Variants in CDH18 observed in about 807,000 individuals in gnomAD.
CDH18 encodes cadherin 18.
CDH18 carries 31 observed loss-of-function variants against 67.9 expected under a neutral mutation model. The ratio of observed to expected loss-of-function variants is 0.46; its 90% confidence interval spans 0.34 to 0.62. The LOEUF (loss-of-function observed/expected upper bound fraction) is 0.62, where lower values mean the gene tolerates loss of function less well. Ranked by LOEUF, CDH18 falls within the 20% of genes least tolerant of loss-of-function variation. The pLI is 0.01. For synonymous variants in CDH18, 362 were observed against 347.2 expected (o/e 1.04, Z -0.48); for missense variants, 890 against 975.5 (o/e 0.91, Z 1.17).
intron 2 of CDH18, among the ~76,000 whole-genome samples, chr5:19,903,617 CTTTTTTT>C (rs59678864): frequency 0.061 from 5,469 of 89,974 alleles, 186 homozygotes; most frequent in Middle Eastern, 0.091. Context: ...AGCAAAGTGG[CTTTTTTT>C]TTTTTTTTTT....
At chr5:19,533,839 T>G (rs1165694503) in intron 9 of CDH18, among the ~76,000 whole-genome samples, 1 of 152,146 alleles carries the variant, frequency 6.6e-6, no homozygotes, top group East Asian at 1.9e-4. Context: ...TCTTATTTTA[T>G]AAGTTTTTGG....
intron 5 of CDH18, among the ~76,000 whole-genome samples, chr5:19,695,578 T>C (rs186484412): frequency 1.9e-4 from 29 of 152,332 alleles, no homozygotes; most frequent in Admixed American, 5.9e-4. Flanking sequence ...TCACAATTAT[T>C]GTTTCAAAGT....
chr5:20,371,526 A>G (rs1742996126), intron 1 of CDH18, among the ~76,000 whole-genome samples: 1 of 152,198 alleles, frequency 6.6e-6, no homozygotes, highest in Non-Finnish European at 1.5e-5. Flanking sequence ...AGAGTAGCAC[A>G]TTTGTGACCG....
At chr5:19,518,524 C>CTGCCAGACTAATCAGT (rs879809656) in intron 10 of CDH18, among the ~76,000 whole-genome samples, 196 of 152,244 alleles carry the variant, frequency 1.3e-3, no homozygotes, top group African/African-American at 4.5e-3. Flanking sequence ...ATCTAATCAG[C>CTGCCAGACTAATCAGT]TGCCAGACAG....
intron 5 of CDH18, among the ~76,000 whole-genome samples, chr5:19,643,222 T>A (rs756529235): frequency 6.6e-6 from 1 of 152,112 alleles, no homozygotes; most frequent in Non-Finnish European, 1.5e-5. Context: ...GAAACCCTTG[T>A]ACACTATTGG....
chr5:20,384,461 C>T (rs942516984), intron 1 of CDH18, among the ~76,000 whole-genome samples: 1 of 152,022 alleles, frequency 6.6e-6, no homozygotes, highest in Non-Finnish European at 1.5e-5. Context: ...GGCATATATA[C>T]CACATTTTCT....
intron 10 of CDH18, among the ~76,000 whole-genome samples, chr5:19,508,749 GA>G (rs1744634927): frequency 6.6e-6 from 1 of 151,904 alleles, no homozygotes; most frequent in South Asian, 2.1e-4. Flanking sequence ...CTTTATTAGG[GA>G]AAAGTCAGTA....
intron 2 of CDH18, among the ~76,000 whole-genome samples, chr5:20,057,456 A>G (rs1275451056): frequency 6.6e-6 from 1 of 152,176 alleles, no homozygotes; most frequent in Non-Finnish European, 1.5e-5. Flanking sequence ...CCTCTTTATT[A>G]ACTTAATAAT....
chr5:19,617,522 TG>T (rs1182537218), intron 5 of CDH18, among the ~76,000 whole-genome samples: 3 of 152,246 alleles, frequency 2.0e-5, no homozygotes, highest in Non-Finnish European at 4.4e-5. Flanking sequence ...ATTGTGCATT[TG>T]TTTAAAAATA....
chr5:19,481,854 CT>C (rs1176183352), intron 12 of CDH18, among the ~76,000 whole-genome samples: 1 of 152,114 alleles, frequency 6.6e-6, no homozygotes, highest in Non-Finnish European at 1.5e-5. Context: ...AAAAAACAGG[CT>C]GCTAAGAGAA....
intron 1 of CDH18, among the ~76,000 whole-genome samples, chr5:20,485,602 A>AT (rs144646692): frequency 0.07 from 10,624 of 152,130 alleles, 535 homozygotes; most frequent in African/African-American, 0.14. Context: ...TAGCCTTTTA[A>AT]TTTTTTCATA....
chr5:20,049,372 G>A (rs770355001), intron 2 of CDH18, among the ~76,000 whole-genome samples: 3 of 151,642 alleles, frequency 2.0e-5, no homozygotes, highest in Non-Finnish European at 4.4e-5. Flanking sequence ...AGTGGGAGGA[G>A]GGAGAGGATC....
At chr5:19,725,710 G>A (rs546875152) in intron 4 of CDH18, among the ~76,000 whole-genome samples, 23 of 152,218 alleles carry the variant, frequency 1.5e-4, no homozygotes, top group Admixed American at 3.3e-4. Flanking sequence ...CAGAGATTGC[G>A]GTGAGCTGAG....
intron 1 of CDH18, among the ~76,000 whole-genome samples, chr5:20,480,750 T>C (rs1373602068): frequency 6.6e-6 from 1 of 152,116 alleles, no homozygotes; most frequent in African/African-American, 2.4e-5. Context: ...TTTTATTTGT[T>C]TTTTCAATCA....
intron 9 of CDH18, among the ~76,000 whole-genome samples, chr5:19,521,263 G>A (rs1746856128): frequency 6.6e-6 from 1 of 152,128 alleles, no homozygotes; most frequent in African/African-American, 2.4e-5. Context: ...AGAGTGTGAT[G>A]TTAAGTCACG....
chr5:20,480,470 T>C (rs1400319690), intron 1 of CDH18, among the ~76,000 whole-genome samples: 1 of 152,070 alleles, frequency 6.6e-6, no homozygotes, highest in Non-Finnish European at 1.5e-5. Context: ...CAGGCTGGAG[T>C]GCAATGGGGT....
chr5:20,474,889 T>C (rs1008589722), intron 1 of CDH18, among the ~76,000 whole-genome samples: 1 of 152,220 alleles, frequency 6.6e-6, no homozygotes, highest in South Asian at 2.1e-4. Context: ...CAGAGGTGCG[T>C]TTCTTGGCTT....
At chr5:20,333,117 A>G (rs556138477) in intron 1 of CDH18, among the ~76,000 whole-genome samples, 31 of 152,264 alleles carry the variant, frequency 2.0e-4, no homozygotes, top group Middle Eastern at 3.4e-3. Context: ...ACCTCTATAT[A>G]ATAGATATGA....
chr5:20,276,854 C>T (rs1411835556), intron 1 of CDH18, among the ~76,000 whole-genome samples: 1 of 152,078 alleles, frequency 6.6e-6, no homozygotes, highest in Non-Finnish European at 1.5e-5. Context: ...CTTGGGCCTT[C>T]AGTAAGCATG....
Sources: allele counts gnomAD v4.1 joint callset (sites outside exome capture counted in the v4.1 genomes callset), GRCh38; gene constraint gnomAD v4.1.1; transcripts MANE v1.5; gene names NCBI Gene and HGNC (gene_info 2026-07-23, HGNC 2026-07-21).